The following DCC variants were observed in gnomAD, a reference collection of about 807,000 sequenced individuals.
The protein encoded by DCC is netrin receptor DCC.
DCC carries 58 observed loss-of-function variants against 172.5 expected under a neutral mutation model. That is an observed-to-expected ratio of 0.34 (90% CI 0.27 to 0.42). The LOEUF is 0.42. Among genes scored for constraint, DCC ranks in the 10% least tolerant of loss-of-function variants. DCC has a pLI of 1.00. For missense variants in DCC, 1,740 were observed against 1,791.0 expected (o/e 0.97, Z 0.51); for synonymous variants, 709 against 644.5 (o/e 1.10, Z -1.52).
At chr18:53,411,959 T>C (rs1327001988) in intron 20 of DCC, among the ~76,000 whole-genome samples, 1 of 152,112 alleles carries the variant, frequency 6.6e-6, no homozygotes, top group Non-Finnish European at 1.5e-5. Flanking sequence ...CCAAATTAAT[T>C]TCATACTCAT....
At chr18:53,478,312 T>C (rs1314919968) in intron 25 of DCC, among the ~76,000 whole-genome samples, 1 of 152,096 alleles carries the variant, frequency 6.6e-6, no homozygotes, top group Admixed American at 6.5e-5. Flanking sequence ...GAGCATTCCT[T>C]GAAGAAAGAT....
chr18:53,335,449 T>TA (rs1273973218), intron 14 of DCC, among the ~76,000 whole-genome samples: 1 of 152,200 alleles, frequency 6.6e-6, no homozygotes, highest in Non-Finnish European at 1.5e-5. Flanking sequence ...ATTAATATAA[T>TA]ACATGACCGA....
chr18:52,871,242 T>G (rs573199176), intron 2 of DCC, among the ~76,000 whole-genome samples: 1 of 151,980 alleles, frequency 6.6e-6, no homozygotes, highest in Admixed American at 6.5e-5. Context: ...CCCTCCACGG[T>G]GGAAACCAAG....
intron 1 of DCC, among the ~76,000 whole-genome samples, chr18:52,749,196 A>G (rs991483371): frequency 2.0e-5 from 3 of 152,144 alleles, no homozygotes; most frequent in Non-Finnish European, 4.4e-5. Flanking sequence ...CATCGCCCAA[A>G]AAAAAGAAAA....
At chr18:53,215,789 T>C (rs2055836882) in intron 12 of DCC, among the ~76,000 whole-genome samples, 192 bp downstream of exon 12, 1 of 152,202 alleles carries the variant, frequency 6.6e-6, no homozygotes, top group African/African-American at 2.4e-5. Flanking sequence ...AATGAAATAT[T>C]TGTCTACTTC....
At chr18:52,641,864 G>T (rs144096789) in intron 1 of DCC, among the ~76,000 whole-genome samples, 9,410 of 151,576 alleles carry the variant, frequency 0.062, 391 homozygotes, top group East Asian at 0.17. Flanking sequence ...CCCACTACTG[G>T]GTATCTACCT....
At chr18:53,316,667 C>T (rs146304075) in intron 13 of DCC, among the ~76,000 whole-genome samples, 179 of 152,142 alleles carry the variant, frequency 1.2e-3, no homozygotes, top group African/African-American at 4.2e-3. Context: ...TTGAAGACAC[C>T]CTTCACATCC....
intron 12 of DCC, among the ~76,000 whole-genome samples, chr18:53,242,414 C>T (rs1273221024): frequency 2.0e-5 from 3 of 152,194 alleles, no homozygotes; most frequent in South Asian, 2.1e-4. Flanking sequence ...TTATCTGAAA[C>T]ATAGTATTTG....
intron 1 of DCC, among the ~76,000 whole-genome samples, chr18:52,379,306 T>C (rs1039698929): frequency 6.6e-6 from 1 of 152,210 alleles, no homozygotes; most frequent in South Asian, 2.1e-4. Context: ...AATCAAAGTG[T>C]AGTAGAGAGA....
chr18:52,879,573 A>G (rs1314714157), intron 2 of DCC, among the ~76,000 whole-genome samples: 1 of 151,688 alleles, frequency 6.6e-6, no homozygotes, highest in East Asian at 1.9e-4. Flanking sequence ...CTGGTATTAC[A>G]AGCATGTGCC....
chr18:52,845,514 C>A lies in DCC; in HGVS notation c.413-60530C>A, dbSNP rs374989355. On this transcript the variant is annotated intron_variant, in intron 2 of 28. Transcript: ENST00000442544. ...ACAACCAGATCTCTTAGGAAAAAGACCATGAAAACCTCTAAACAATTAGAG... is the reference window on the plus strand; with the variant it reads ...ACAACCAGATCTCTTAGGAAAAAGAACATGAAAACCTCTAAACAATTAGAG... Among the ~76,000 whole-genome samples, 211 of 152,166 alleles carry A rather than the reference C, an allele frequency of 1.4e-3. 3 individuals are homozygous for A. The Middle Eastern group carries it at 0.027, about 20-fold the overall frequency.
rs190267624 is a variant in DCC at position 53,249,337 on chromosome 18, G to T, written c.1911+33740G>T. Among the ~76,000 whole-genome samples the T allele has an allele frequency of 1.5e-4, 23 of 151,992 alleles. No individual in the cohort carries two copies. The South Asian group carries it at 3.7e-3, about 25-fold the overall frequency. The stretch of plus-strand genomic sequence containing the variant: ...TGTGTTGTACCCCAAAGTGACCTAG[G>T]TGGGTACCATTCTAAGAGAAGTCTC... On this transcript the variant is annotated intron_variant, in intron 12 of 28. Coordinates refer to ENST00000442544, the MANE Select transcript of DCC (RefSeq NM_005215.4).
chr18:52,927,425 C>A (rs182957545), intron 5 of DCC, among the ~76,000 whole-genome samples: 71 of 151,734 alleles, frequency 4.7e-4, no homozygotes, highest in Non-Finnish European at 8.8e-4. Flanking sequence ...ACAGGCAGTG[C>A]ATTTCTATAC....
intron 1 of DCC, among the ~76,000 whole-genome samples, chr18:52,597,944 C>A (rs562734771): frequency 1.3e-5 from 2 of 152,292 alleles, no homozygotes; most frequent in East Asian, 3.9e-4. Flanking sequence ...ATTAACTCAG[C>A]TCCTCTCTAT....
chr18:53,417,751 G>A (rs1156666297), intron 21 of DCC, among the ~76,000 whole-genome samples: 1 of 152,046 alleles, frequency 6.6e-6, no homozygotes, highest in Non-Finnish European at 1.5e-5. Flanking sequence ...ACATGTCCAG[G>A]CTTCTCAATA....
At chr18:52,641,523 AAC>A (rs2034890645) in intron 1 of DCC, among the ~76,000 whole-genome samples, 1 of 152,158 alleles carries the variant, frequency 6.6e-6, no homozygotes. Context: ...GTAAGAAAAA[AAC>A]AAACAATCTC....
chr18:53,214,468 C>G (rs866817495), intron 11 of DCC, among the ~76,000 whole-genome samples: 7 of 151,926 alleles, frequency 4.6e-5, no homozygotes, highest in African/African-American at 1.7e-4. Context: ...CAGAGTATGG[C>G]ATAAATAAAT....
intron 13 of DCC, among the ~76,000 whole-genome samples, chr18:53,316,150 C>T (rs568766616): frequency 6.6e-6 from 1 of 152,240 alleles, no homozygotes; most frequent in South Asian, 2.1e-4. Flanking sequence ...AGGAAGGGGT[C>T]TAGTTTCAGT....
In DCC at chr18:52,903,720, TTAAA is replaced by T. The variant is rs575072996; in HGVS notation, c.413-2319_413-2316del. The stretch of plus-strand genomic sequence containing the variant: ...GGGATGACAACCAAGAAGAAAACTA[TTAAA>T]TAAAAATCAAATTTGTGCGAAACTC... On this transcript the variant is annotated intron_variant, in intron 2 of 28. Transcript: ENST00000442544. 2.9e-4 allele frequency among the ~76,000 whole-genome samples: 44 copies of T among 152,294 alleles called. 1 individual carries two copies. The South Asian group carries it at 8.7e-3, about 30-fold the overall frequency.
Sources: gnomAD v4.1 joint callset for allele counts (sites outside exome capture counted in the v4.1 genomes callset) on GRCh38, gnomAD v4.1.1 for gene constraint, MANE v1.5 for transcripts, NCBI Gene and HGNC (gene_info 2026-07-23, HGNC 2026-07-21) for gene names.